Variants in BABAM2 observed in about 807,000 individuals in gnomAD.
The protein encoded by BABAM2 is BRISC and BRCA1 A complex member 2.
A neutral mutation model predicts 54.7 loss-of-function variants in BABAM2; 31 were observed. The observed-to-expected ratio is 0.57, with a 90% confidence interval of 0.43 to 0.77. The LOEUF is 0.77. Among genes scored for constraint, BABAM2 ranks in the 30% least tolerant of loss-of-function variants. The pLI is 0.00. For synonymous variants in BABAM2, 167 were observed against 162.9 expected (o/e 1.03, Z -0.19); for missense variants, 364 against 455.8 (o/e 0.80, Z 1.83).
intron 7 of BABAM2, among the ~76,000 whole-genome samples, chr2:28,172,016 A>G (rs4665404): frequency 0.99 from 150,694 of 152,260 alleles, 74,596 homozygotes; most frequent in Middle Eastern, 1. Flanking sequence ...ATGGAAGCCA[A>G]AGGAACTCAG....
At chr2:27,941,955 C>T (rs930644432) in intron 3 of BABAM2, among the ~76,000 whole-genome samples, 7 of 152,110 alleles carry the variant, frequency 4.6e-5, no homozygotes, top group African/African-American at 1.7e-4. Flanking sequence ...TGTTCTGGAG[C>T]TTCTACTTTA....
At chr2:28,328,414 A>G (rs1221901690) in intron 11 of BABAM2, among the ~76,000 whole-genome samples, 1 of 152,216 alleles carries the variant, frequency 6.6e-6, no homozygotes, top group East Asian at 1.9e-4. Context: ...ATTTGCAAAA[A>G]TGACCTCTGA....
chr2:27,965,439 A>G (rs1670764653), intron 3 of BABAM2, among the ~76,000 whole-genome samples: 1 of 152,168 alleles, frequency 6.6e-6, no homozygotes, highest in Admixed American at 6.5e-5. Context: ...GGTCAATTCT[A>G]TTTCATATGT....
chr2:27,968,155 C>T (rs1164556168), intron 3 of BABAM2, among the ~76,000 whole-genome samples: 2 of 152,236 alleles, frequency 1.3e-5, no homozygotes, highest in Non-Finnish European at 2.9e-5. Context: ...CCTCCCATTA[C>T]AGGCCCAGAG....
At chr2:28,292,004 T>C (rs913983731) in intron 10 of BABAM2, among the ~76,000 whole-genome samples, 2 of 152,178 alleles carry the variant, frequency 1.3e-5, no homozygotes, top group African/African-American at 4.8e-5. Flanking sequence ...GGAGAGTGAC[T>C]TTACAGCAAT....
At chr2:28,298,086 A>G (rs1185826525) in intron 10 of BABAM2, among the ~76,000 whole-genome samples, 1 of 152,170 alleles carries the variant, frequency 6.6e-6, no homozygotes, top group East Asian at 1.9e-4. Flanking sequence ...TACAGCACCT[A>G]CACATCATGC....
At chr2:27,924,352 TC>T (rs377578501) in intron 2 of BABAM2, among the ~76,000 whole-genome samples, 84 of 151,910 alleles carry the variant, frequency 5.5e-4, no homozygotes, top group African/African-American at 1.9e-3. Flanking sequence ...AGAGTCAAAC[TC>T]CTCAAGGCAA....
intron 11 of BABAM2, among the ~76,000 whole-genome samples, chr2:28,335,493 G>C (rs188076366): frequency 1.4e-3 from 220 of 152,292 alleles, no homozygotes; most frequent in African/African-American, 5.2e-3. Flanking sequence ...TAAACAGCTT[G>C]TAATGGACAT....
At chr2:28,199,715 G>C (rs549627017) in intron 7 of BABAM2, among the ~76,000 whole-genome samples, 7 of 152,282 alleles carry the variant, frequency 4.6e-5, no homozygotes, top group East Asian at 1.9e-4. Context: ...GTGGTCCAGG[G>C]CCAATAGATT....
intron 7 of BABAM2, among the ~76,000 whole-genome samples, chr2:28,147,374 T>C (rs1356319865): frequency 6.6e-6 from 1 of 152,198 alleles, no homozygotes; most frequent in Non-Finnish European, 1.5e-5. Flanking sequence ...TTTAAAAACA[T>C]TATTTAGATT....
intron 3 of BABAM2, among the ~76,000 whole-genome samples, chr2:27,986,138 A>G (rs937085059): frequency 2.6e-5 from 4 of 152,136 alleles, no homozygotes; most frequent in African/African-American, 9.7e-5. Context: ...AGAAGGGTGG[A>G]TATCAGTTTG....
chr2:27,914,788 A>ATG, intron 2 of BABAM2, among the ~76,000 whole-genome samples: 1 of 152,340 alleles, frequency 6.6e-6, no homozygotes, highest in East Asian at 1.9e-4. Flanking sequence ...ATGAACACGT[A>ATG]CACAGATATA....
At chr2:28,300,199 A>G (rs1442805077) in intron 11 of BABAM2, among the ~76,000 whole-genome samples, 4 of 152,152 alleles carry the variant, frequency 2.6e-5, no homozygotes, top group Admixed American at 2.6e-4. Flanking sequence ...TCAGCCTCCC[A>G]AAGTGCTAGG....
chr2:27,904,488 T>G (rs1166428535), intron 2 of BABAM2, among the ~76,000 whole-genome samples: 2 of 152,180 alleles, frequency 1.3e-5, no homozygotes, highest in Non-Finnish European at 2.9e-5. Context: ...CTGATAACAC[T>G]ACAGTGAAGC....
At chr2:28,334,609 G>A (rs1572439650) in intron 11 of BABAM2, among the ~76,000 whole-genome samples, 1 of 152,260 alleles carries the variant, frequency 6.6e-6, no homozygotes, top group Non-Finnish European at 1.5e-5. Flanking sequence ...GAGGTTGGTG[G>A]CAGCCTGTCG....
chr2:28,069,567 T>TACC (rs1663931489), intron 6 of BABAM2, among the ~76,000 whole-genome samples: 1 of 152,216 alleles, frequency 6.6e-6, no homozygotes, highest in African/African-American at 2.4e-5. Context: ...ATTGCCCTGC[T>TACC]ACCATGAGAA....
intron 10 of BABAM2, among the ~76,000 whole-genome samples, chr2:28,259,217 AGCTGGGACTACAGG>A (rs1377911954): frequency 7.0e-6 from 1 of 143,652 alleles, no homozygotes; most frequent in Non-Finnish European, 1.5e-5. Flanking sequence ...CCTCCCAAGT[AGCTGGGACTACAGG>A]CACACGCCAC....
intron 10 of BABAM2, among the ~76,000 whole-genome samples, chr2:28,250,188 G>T (rs1223090564): frequency 2.0e-5 from 3 of 152,028 alleles, no homozygotes; most frequent in African/African-American, 7.2e-5. Context: ...CAGTGATTCA[G>T]ACAGCCAAGG....
intron 4 of BABAM2, among the ~76,000 whole-genome samples, chr2:27,993,155 A>G (rs1285058702): frequency 6.6e-6 from 1 of 152,134 alleles, no homozygotes; most frequent in Non-Finnish European, 1.5e-5. Context: ...TTCAGAGTTA[A>G]AAAAGGGCAG....
Sources: allele counts gnomAD v4.1 joint callset (sites outside exome capture counted in the v4.1 genomes callset), GRCh38; gene constraint gnomAD v4.1.1; transcripts MANE v1.5; gene names NCBI Gene and HGNC (gene_info 2026-07-23, HGNC 2026-07-21).